The following ZSWIM4 variants were observed in gnomAD, a reference collection of about 807,000 sequenced individuals.
ZSWIM4 encodes zinc finger SWIM-type containing 4.
Under a neutral mutation model 102.5 loss-of-function variants are expected in ZSWIM4, and 62 were observed. The ratio of observed to expected loss-of-function variants is 0.60; its 90% confidence interval spans 0.49 to 0.75. The LOEUF (loss-of-function observed/expected upper bound fraction) is 0.75, where lower values mean the gene tolerates loss of function less well. ZSWIM4 is among the 30% of genes least tolerant of loss of function. ZSWIM4 has a pLI of 0.00. For synonymous variants in ZSWIM4, 652 were observed against 674.5 expected (o/e 0.97, Z 0.52); for missense variants, 1,280 against 1,529.6 (o/e 0.84, Z 2.72).
intron 13 of ZSWIM4, among the ~76,000 whole-genome samples, chr19:13,829,824 CAA>C (rs1219626837): frequency 2.2e-5 from 3 of 138,676 alleles, no homozygotes; most frequent in Non-Finnish European, 1.6e-5. Flanking sequence ...GACTCCATCT[CAA>C]AAAAAAAAAA....
chr19:13,825,928 G>A lies in ZSWIM4; in HGVS notation c.2379+215G>A, dbSNP rs1307569830. 1.3e-5 allele frequency among the ~76,000 whole-genome samples: 2 copies of A among 152,134 alleles called. No homozygotes were observed. Among genetic ancestry groups the A allele is most frequent in the African/African-American group, 4.8e-5 (2 of 41,390 alleles). ...ACACCTCTGGGGGCGTGGCCTGAGT[G>A]TGGGCCACTTCCTTGGGGGCGTGGC... On this transcript the variant is annotated intron_variant, in intron 12 of 13. Transcript: ENST00000590508. The surrounding 1 kb of genome is among the most constrained non-coding windows in gnomAD (Gnocchi z 4.6).
chr19:13,809,954 G>A lies in ZSWIM4; in HGVS notation c.1012+734G>A, dbSNP rs1599592193. ...TGACAGGCATGAGCCACTGTACCAA[G>A]CTGACATATTTTTGTTTGTTTGTTT... On this transcript the variant is annotated intron_variant, in intron 5 of 13. Coordinates refer to ENST00000590508, the MANE Select transcript of ZSWIM4 (RefSeq NM_001367834.3). The surrounding 1 kb of genome is among the most constrained non-coding windows in gnomAD (Gnocchi z 4.2). Among the ~76,000 whole-genome samples the A allele has an allele frequency of 1.3e-5, 2 of 151,824 alleles. No individual in the cohort carries two copies. Among genetic ancestry groups the A allele is most frequent in the East Asian group, 3.9e-4 (2 of 5,186 alleles).
At chr19:13,807,418 C>T (rs1465864875) in intron 3 of ZSWIM4, among the ~76,000 whole-genome samples, 6 of 151,148 alleles carry the variant, frequency 4.0e-5, no homozygotes, top group Middle Eastern at 3.2e-3. Flanking sequence ...ACAGATGGGT[C>T]GGTGGTGTTT....
chr19:13,817,146 G>A (rs1975311576), intron 7 of ZSWIM4, 70 bp from the exon 8 acceptor site: 17 of 1,529,732 alleles, frequency 1.1e-5, no homozygotes, highest in Admixed American at 2.0e-5. Context: ...AGGTCAAGAA[G>A]AGGAATATCC....
At chr19:13,806,430 G>A (rs1254143280) in intron 3 of ZSWIM4, among the ~76,000 whole-genome samples, 2 of 152,018 alleles carry the variant, frequency 1.3e-5, no homozygotes, top group African/African-American at 2.4e-5. Context: ...CATTTGGGAG[G>A]CTGAGGAAGG....
At position 13,817,796 on chromosome 19, in the gene ZSWIM4, G is replaced by T; in HGVS notation, c.1744G>T (p.Val582Leu). 1.3e-6 allele frequency: 2 copies of T among 1,593,582 alleles called. No individual in the cohort carries two copies. Among genetic ancestry groups the T allele is most frequent in the Non-Finnish European group, 1.7e-6 (2 of 1,171,538 alleles). The change falls in exon 9 of 14, where the codon GTG (valine) becomes TTG (leucine). Residue 582 changes from valine to leucine, a missense_variant. Coordinates refer to ENST00000590508, the MANE Select transcript of ZSWIM4 (RefSeq NM_001367834.3). Reference sequence around the variant, plus strand: ...CGGGAGCCCTGGGGAGTCCTACTTGGTGCTGGCGCTGGAGGTGGCACTGCT... The same window carrying T: ...CGGGAGCCCTGGGGAGTCCTACTTGTTGCTGGCGCTGGAGGTGGCACTGCT... The part of the protein sequence containing the change: ...VPGSPGESYL[V>L]LALEVALLGL...
intron 7 of ZSWIM4, among the ~76,000 whole-genome samples, chr19:13,816,064 G>C (rs1260010315): frequency 2.0e-5 from 3 of 148,588 alleles, no homozygotes; most frequent in African/African-American, 7.4e-5. Context: ...GGAAGGAAGG[G>C]AGGGAGGGAA....
chr19:13,804,904 C>G lies in ZSWIM4; in HGVS notation c.468C>G (p.Gly156=), dbSNP rs776873703. The G allele has an allele frequency of 6.2e-7, 1 of 1,613,616 alleles. No individual in the cohort carries two copies. Among genetic ancestry groups the G allele is most frequent in the East Asian group, 2.2e-5 (1 of 44,888 alleles). The stretch of plus-strand genomic sequence containing the variant: ...GCAAGATCACGTCCGTGAGCTGCGG[C>G]TGTGACAACCGCGACCTCTTCTACT... ...DRCKITSVSC[G]CDNRDLFYCA... The change falls in exon 3 of 14, where the codon GGC becomes GGG. Residue 156 remains glycine (G), a synonymous_variant. Transcript: ENST00000590508.
intron 1 of ZSWIM4, among the ~76,000 whole-genome samples, chr19:13,797,701 G>A (rs1258035614): frequency 6.6e-6 from 1 of 152,138 alleles, no homozygotes; most frequent in Non-Finnish European, 1.5e-5. Flanking sequence ...TGCCAAGGCT[G>A]GAGTGCAGTG....
At position 13,825,076 on chromosome 19, in the gene ZSWIM4, A is replaced by G. The variant is rs973959360; in HGVS notation, c.2216-474A>G. ...TTTTTTTTGAGATGGATATTACTCT[A>G]TCATCTAGGCTGGAGTGCAGTGGTG... is the stretch of plus-strand genomic sequence containing the variant. On this transcript the variant is annotated intron_variant, in intron 11 of 13. Transcript: ENST00000590508. The surrounding 1 kb of genome is among the most constrained non-coding windows in gnomAD (Gnocchi z 4.6). Among the ~76,000 whole-genome samples the G allele has an allele frequency of 2.0e-5, 3 of 147,454 alleles. No homozygotes were observed. Among genetic ancestry groups the G allele is most frequent in the South Asian group, 2.1e-4 (1 of 4,672 alleles).
Position 13,823,634 on chromosome 19 carries a change from T to C in ZSWIM4, c.2215+134T>C, listed in dbSNP as rs1346240120. 1.1e-5 allele frequency: 12 copies of C among 1,049,296 alleles called. No homozygotes were observed. The Admixed American group carries it at 2.9e-4, about 25-fold the overall frequency. 65.0% of individuals were successfully genotyped at this position (1,049,296 alleles called of 1,614,324 possible). On this transcript the variant is annotated intron_variant, in intron 11 of 13. Transcript: ENST00000590508. ...GCATTCTTTGAGCACCTCCTATATG[T>C]ACCGGACACTGTCTCAGGTGCTGGG...
In ZSWIM4 at chr19:13,825,809, C is replaced by T. The variant is rs536620978; in HGVS notation, c.2379+96C>T. On this transcript the variant is annotated intron_variant, in intron 12 of 13. Coordinates refer to ENST00000590508, the MANE Select transcript of ZSWIM4 (RefSeq NM_001367834.3). This position sits in a 1 kb window ranked among gnomAD's most constrained non-coding sequence, Gnocchi z 4.6. ...CCCGGGGCATGGGCTGAGTGTGAGC[C>T]ACTTCGCTGGGGGCCCGGCATTTGC... The T allele has an allele frequency of 2.1e-6, 3 of 1,446,390 alleles. No individual in the cohort carries two copies. Among genetic ancestry groups the T allele is most frequent in the African/African-American group, 1.4e-5 (1 of 71,182 alleles). The allele number at this position is 1,446,390 out of a possible 1,614,324, so 89.6% of individuals were successfully genotyped here.
rs1223594247 is a variant in ZSWIM4 at position 13,831,201 on chromosome 19, C to T, written c.*151C>T. ...GGGCAGGGGGAGCAGCATCCTGCCA[C>T]GTGTGTGCCTGGGAGTCTGTGAGCA... is the stretch of plus-strand genomic sequence containing the variant. On this transcript the variant is annotated 3_prime_UTR_variant, in exon 14 of 14. Transcript: ENST00000590508. 53 of 984,580 alleles carry T rather than the reference C, an allele frequency of 5.4e-5. No individual in the cohort carries two copies. The Admixed American group carries it at 5.7e-4, about 11-fold the overall frequency. The allele number at this position is 984,580 out of a possible 1,614,324, so 61.0% of individuals were successfully genotyped here.
Position 13,824,485 on chromosome 19 carries a change from G to A in ZSWIM4, c.2215+985G>A, listed in dbSNP as rs189249909. ...AGTGGTGCACGCCTGTAATCCCAGC[G>A]ATTTGGGAGGCCGAGGCCGGGGGAT... is the stretch of plus-strand genomic sequence containing the variant. On this transcript the variant is annotated intron_variant, in intron 11 of 13. Coordinates refer to ENST00000590508, the MANE Select transcript of ZSWIM4 (RefSeq NM_001367834.3). Among the ~76,000 whole-genome samples, 522 of 151,812 alleles carry A rather than the reference G, an allele frequency of 3.4e-3. 1 individual carries two copies. The highest frequency in any genetic ancestry group is 0.012 in the African/African-American group (482 of 41,398).
chr19:13,817,254 G>T lies in ZSWIM4; in HGVS notation c.1570G>T (p.Glu524Ter). ...GGGCTCCACCTGCATCACCAACACCGAAGGATGGGTGGGGCACCCCCTGGA... is the reference window on the plus strand; with the variant it reads ...GGGCTCCACCTGCATCACCAACACCTAAGGATGGGTGGGGCACCCCCTGGA... ...QKGSTCITNT[E>*]GWVGHPLDPI... The change falls in exon 8 of 14, where the codon GAA (glutamate) becomes TAA (stop). Residue 524 changes from glutamate (E) to a stop codon, truncating the protein, a stop_gained. Coordinates refer to ENST00000590508, the MANE Select transcript of ZSWIM4 (RefSeq NM_001367834.3). LOFTEE classifies it high-confidence loss of function. The T allele has an allele frequency of 1.2e-6, 2 of 1,613,934 alleles. No homozygotes were observed. Among genetic ancestry groups the T allele is most frequent in the Non-Finnish European group, 1.7e-6 (2 of 1,179,860 alleles).
intron 2 of ZSWIM4, among the ~76,000 whole-genome samples, chr19:13,800,554 C>T (rs1434001560): frequency 1.3e-5 from 2 of 152,132 alleles, no homozygotes; most frequent in African/African-American, 2.4e-5. Flanking sequence ...CGTGAGCCAC[C>T]GCTCCCGGCC....
At chr19:13,799,972 G>A (rs1399799438) in intron 2 of ZSWIM4, 51 bp downstream of exon 2, 4 of 1,559,232 alleles carry the variant, frequency 2.6e-6, no homozygotes, top group South Asian at 2.3e-5. Context: ...GTCCATACCA[G>A]GCCTGGAAAT....
At chr19:13,805,456 C>T (rs1467064477) in intron 3 of ZSWIM4, among the ~76,000 whole-genome samples, 1 of 151,768 alleles carries the variant, frequency 6.6e-6, no homozygotes, top group Non-Finnish European at 1.5e-5. Flanking sequence ...ATAGATGGAG[C>T]ATCCTGGGTA....
chr19:13,828,500 G>A, intron 12 of ZSWIM4, 145 bp from the exon 13 acceptor site: 1 of 597,870 alleles, frequency 1.7e-6, no homozygotes, highest in South Asian at 2.4e-5. Flanking sequence ...GGTAATTGAG[G>A]CCCAGAAAGT....
Sources: gnomAD v4.1 joint callset for allele counts (sites outside exome capture counted in the v4.1 genomes callset) on GRCh38, gnomAD v4.1.1 for gene constraint, Gnocchi (gnomAD v3.1) non-coding constraint, MANE v1.5 for transcripts, NCBI Gene and HGNC (gene_info 2026-07-23, HGNC 2026-07-21) for gene names.